Variants in SGCD observed in about 807,000 individuals in gnomAD.
The protein encoded by SGCD is sarcoglycan delta.
SGCD carries 18 observed loss-of-function variants against 36.6 expected under a neutral mutation model. That is an observed-to-expected ratio of 0.49 (90% CI 0.34 to 0.73). The LOEUF (loss-of-function observed/expected upper bound fraction) is 0.73. Among genes scored for constraint, SGCD ranks in the 30% least tolerant of loss-of-function variants. The pLI, the probability that SGCD is intolerant of heterozygous loss-of-function variation, is 0.01. For synonymous variants in SGCD, 133 were observed against 130.6 expected (o/e 1.02, Z -0.12); for missense variants, 387 against 346.7 (o/e 1.12, Z -0.92).
chr5:155,785,043 A>G, the SGCD span, among the ~76,000 whole-genome samples: 1 of 152,026 alleles, frequency 6.6e-6, no homozygotes, highest in Admixed American at 6.6e-5. Context: ...CTGGGCACAT[A>G]CCCCAGAGAA....
chr5:156,405,238 A>G (rs1772345391), intron 3 of SGCD, among the ~76,000 whole-genome samples: 1 of 152,236 alleles, frequency 6.6e-6, no homozygotes, highest in African/African-American at 2.4e-5. Context: ...GACCCTCTTC[A>G]GAGCACCCAA....
At chr5:155,762,697 C>G in the SGCD span, among the ~76,000 whole-genome samples, 3 of 152,252 alleles carry the variant, frequency 2.0e-5, no homozygotes, top group African/African-American at 7.2e-5. Context: ...CTAGTTTTTT[C>G]AATCTAGAAC....
At chr5:155,791,818 A>C in the SGCD span, among the ~76,000 whole-genome samples, 1 of 152,212 alleles carries the variant, frequency 6.6e-6, no homozygotes, top group Non-Finnish European at 1.5e-5. Context: ...AGTATTAATA[A>C]AATGGCCATA....
Position 156,212,239 on chromosome 5 carries a change from A to G in SGCD, c.-44+88220A>G, listed in dbSNP as rs551305477. ...GAGTGATTAAATGGATTTTAAAAAG[A>G]TCTAAATGTATGCCATCTGCAAGAA... On this transcript the variant is annotated intron_variant, in intron 3 of 9. Coordinates refer to the SGCD transcript ENST00000517913. 4.1e-4 allele frequency among the ~76,000 whole-genome samples: 63 copies of G among 152,360 alleles called. No homozygotes were observed. In the South Asian group the frequency reaches 5.6e-3, roughly 14 times the overall value.
intron 1 of SGCD, among the ~76,000 whole-genome samples, chr5:155,875,562 G>A (rs552364905): frequency 6.6e-5 from 10 of 152,016 alleles, no homozygotes; most frequent in East Asian, 1.9e-4. Flanking sequence ...GGTCTTCATC[G>A]GCCTTGCACG....
chr5:156,224,799 T>TA (rs1226193315), intron 3 of SGCD, among the ~76,000 whole-genome samples: 6 of 152,264 alleles, frequency 3.9e-5, no homozygotes, highest in African/African-American at 1.4e-4. Flanking sequence ...GCCTTTTCAT[T>TA]AAATGTAATT....
chr5:155,923,522 T>C (rs1281131749), intron 1 of SGCD, among the ~76,000 whole-genome samples: 1 of 152,226 alleles, frequency 6.6e-6, no homozygotes, highest in Non-Finnish European at 1.5e-5. Flanking sequence ...ATACTCTTTA[T>C]ATAACAGGCT....
chr5:155,904,412 A>G (rs1756454934), intron 1 of SGCD, among the ~76,000 whole-genome samples: 1 of 152,246 alleles, frequency 6.6e-6, no homozygotes, highest in African/African-American at 2.4e-5. Context: ...AGTGATATTT[A>G]GTACATTCAT....
rs540944623 is a variant in SGCD at position 156,670,449 on chromosome 5, C to T, written c.575+22913C>T. ...TTCTTCACCAATACGCAATTGCTTT[C>T]GACTCTTCCTTTTTTTCCCCTCAGT... On this transcript the variant is annotated intron_variant, in intron 7 of 8. Coordinates refer to ENST00000337851, the MANE Select transcript of SGCD (RefSeq NM_000337.6). Among the ~76,000 whole-genome samples, 4 of 152,300 alleles carry T rather than the reference C, an allele frequency of 2.6e-5. No homozygotes were observed. The South Asian group carries it at 8.3e-4, about 32-fold the overall frequency.
At chr5:156,443,850 A>G (rs1753611600) in intron 3 of SGCD, among the ~76,000 whole-genome samples, 1 of 152,172 alleles carries the variant, frequency 6.6e-6, no homozygotes, top group Non-Finnish European at 1.5e-5. Flanking sequence ...GCTGTGGGCA[A>G]GGGACAGGGG....
chr5:155,867,177 A>G (rs981816616), upstream of SGCD, among the ~76,000 whole-genome samples: 1 of 152,194 alleles, frequency 6.6e-6, no homozygotes, highest in Non-Finnish European at 1.5e-5. Flanking sequence ...TTAAACTGAC[A>G]TTGGTAGTGA....
At chr5:156,653,465 A>C (rs1763542628) in intron 7 of SGCD, among the ~76,000 whole-genome samples, 1 of 84,508 alleles carries the variant, frequency 1.2e-5, no homozygotes. Context: ...AAACATAAAA[A>C]TATTTTCTTA....
At chr5:156,479,981 C>G (rs2127837332) in intron 3 of SGCD, among the ~76,000 whole-genome samples, 1 of 152,308 alleles carries the variant, frequency 6.6e-6, no homozygotes, top group Non-Finnish European at 1.5e-5. Context: ...GGGAGGAGCC[C>G]CTGTGGGTGG....
intron 3 of SGCD, among the ~76,000 whole-genome samples, chr5:156,423,359 T>A (rs1201973927): frequency 9.1e-6 from 1 of 110,174 alleles, no homozygotes; most frequent in Non-Finnish European, 1.7e-5. Flanking sequence ...AATTTTATTA[T>A]AATATATTAT....
intron 6 of SGCD, among the ~76,000 whole-genome samples, chr5:156,595,609 G>C (rs985171681): frequency 6.6e-6 from 1 of 152,172 alleles, no homozygotes; most frequent in Admixed American, 6.5e-5. Context: ...TCAACACTGA[G>C]CTTTGTGTGA....
chr5:156,257,535 G>T (rs1271978314), intron 3 of SGCD, among the ~76,000 whole-genome samples: 1 of 151,810 alleles, frequency 6.6e-6, no homozygotes, highest in Non-Finnish European at 1.5e-5. Context: ...AGTATTATTT[G>T]CTACCACACA....
At chr5:156,519,333 A>G (rs2113025343) in intron 4 of SGCD, among the ~76,000 whole-genome samples, 1 of 152,194 alleles carries the variant, frequency 6.6e-6, no homozygotes, top group Middle Eastern at 3.4e-3. Flanking sequence ...AAATTGAGGC[A>G]GTAAAAGCCT....
intron 3 of SGCD, among the ~76,000 whole-genome samples, chr5:156,388,133 T>C: frequency 6.6e-6 from 1 of 152,126 alleles, no homozygotes; most frequent in East Asian, 1.9e-4. Flanking sequence ...AATTTTGGAG[T>C]GAGTCTATTT....
chr5:156,239,123 G>T (rs565647958), intron 3 of SGCD, among the ~76,000 whole-genome samples: 2 of 152,068 alleles, frequency 1.3e-5, no homozygotes, highest in Non-Finnish European at 2.9e-5. Context: ...TTGGAGGCTG[G>T]GCATGGTGGC....
Sources: gnomAD v4.1 joint callset for allele counts (sites outside exome capture counted in the v4.1 genomes callset) on GRCh38, gnomAD v4.1.1 for gene constraint, MANE v1.5 for transcripts, NCBI Gene and HGNC (gene_info 2026-07-23, HGNC 2026-07-21) for gene names.